PTPRD: variants seen among roughly 807,000 people sequenced by gnomAD.
PTPRD encodes the protein protein tyrosine phosphatase receptor type D.
In PTPRD, 34 loss-of-function variants were observed where a neutral mutation model predicts 214.5. That is an observed-to-expected ratio of 0.16 (90% confidence interval 0.12 to 0.21). The LOEUF (loss-of-function observed/expected upper bound fraction) is 0.21. PTPRD is among the 10% of genes least tolerant of loss of function. PTPRD has a pLI of 1.00. For synonymous variants in PTPRD, 1,128 were observed against 845.7 expected (o/e 1.33, Z -5.79); for missense variants, 2,545 against 2,398.7 (o/e 1.06, Z -1.27).
chr9:8,795,989 C>A (rs1055792491), intron 11 of PTPRD, among the ~76,000 whole-genome samples: 6 of 152,058 alleles, frequency 3.9e-5, no homozygotes, highest in Admixed American at 1.3e-4. Context: ...GATAAGAAAA[C>A]ACTTCTGAAG....
intron 9 of PTPRD, among the ~76,000 whole-genome samples, chr9:9,304,587 T>C (rs1043299778): frequency 1.3e-5 from 2 of 151,936 alleles, no homozygotes; most frequent in Non-Finnish European, 2.9e-5. Context: ...TTTATGATAA[T>C]AAAGTAGCAA....
chr9:8,936,948 A>G lies in PTPRD; in HGVS notation c.-104+81749T>C, dbSNP rs2043400. Among the ~76,000 whole-genome samples the G allele has an allele frequency of 4.7e-3, 719 of 152,300 alleles. 5 individuals carry two copies. The highest frequency in any genetic ancestry group is 0.017 in the African/African-American group (695 of 41,560). On this transcript the variant is annotated intron_variant, in intron 11 of 45. Coordinates refer to ENST00000381196, the MANE Select transcript of PTPRD (RefSeq NM_002839.4). ...CTTACTAATCCATTCTTATCAACTC[A>G]TCTAGTAAGAGGAGCACTTTTTTGG...
chr9:9,885,932 T>C (rs2070725969), intron 5 of PTPRD, among the ~76,000 whole-genome samples: 1 of 151,714 alleles, frequency 6.6e-6, no homozygotes, highest in African/African-American at 2.4e-5. Flanking sequence ...TGAGTGTAGA[T>C]TTTGTCTAAT....
chr9:8,617,524 A>ATTTTATTTCAG (rs2095653846), intron 14 of PTPRD, among the ~76,000 whole-genome samples: 1 of 152,110 alleles, frequency 6.6e-6, no homozygotes, highest in African/African-American at 2.4e-5. Flanking sequence ...AAATTTACTG[A>ATTTTATTTCAG]CATGTATTAT....
intron 7 of PTPRD, among the ~76,000 whole-genome samples, chr9:9,646,126 G>C (rs531073453): frequency 1.3e-5 from 2 of 152,238 alleles, no homozygotes; most frequent in South Asian, 4.1e-4. Flanking sequence ...CAGTCCATTT[G>C]TGATAGTATT....
intron 11 of PTPRD, among the ~76,000 whole-genome samples, chr9:8,805,101 C>T (rs2096649195): frequency 6.6e-6 from 1 of 152,120 alleles, no homozygotes; most frequent in African/African-American, 2.4e-5. Flanking sequence ...GGATCAGAAC[C>T]TATACCTCAC....
intron 5 of PTPRD, among the ~76,000 whole-genome samples, chr9:9,818,915 CAA>C (rs58616042): frequency 0.24 from 21,326 of 88,266 alleles, 1,574 homozygotes; most frequent in East Asian, 0.64. Context: ...GACACTGTCT[CAA>C]AAAAAAAAAA....
At chr9:10,161,991 A>G (rs1264980560) in intron 3 of PTPRD, among the ~76,000 whole-genome samples, 1 of 151,672 alleles carries the variant, frequency 6.6e-6, no homozygotes, top group Non-Finnish European at 1.5e-5. Flanking sequence ...CAAAACTACA[A>G]TGAAATGTTT....
chr9:10,399,148 G>A (rs910878560), intron 2 of PTPRD, among the ~76,000 whole-genome samples: 5 of 151,926 alleles, frequency 3.3e-5, no homozygotes, highest in Admixed American at 1.3e-4. Context: ...ATCACCAAAC[G>A]AAATATACTC....
At chr9:8,961,400 G>A (rs2099158095) in intron 11 of PTPRD, among the ~76,000 whole-genome samples, 1 of 152,048 alleles carries the variant, frequency 6.6e-6, no homozygotes, top group South Asian at 2.1e-4. Context: ...GAACATGTTG[G>A]GAAATGACTG....
intron 8 of PTPRD, among the ~76,000 whole-genome samples, chr9:9,445,605 G>A (rs2090117421): frequency 6.6e-6 from 1 of 152,108 alleles, no homozygotes; most frequent in Admixed American, 6.6e-5. Flanking sequence ...AAGGAGAAGT[G>A]CCAAGCAAAG....
intron 9 of PTPRD, among the ~76,000 whole-genome samples, chr9:9,345,136 T>C (rs1047422175): frequency 2.6e-5 from 4 of 152,168 alleles, no homozygotes; most frequent in African/African-American, 9.7e-5. Context: ...GAAAGTGAGA[T>C]TTTACAAATG....
chr9:8,641,793 T>C (rs150331802), intron 12 of PTPRD, among the ~76,000 whole-genome samples: 2 of 152,316 alleles, frequency 1.3e-5, no homozygotes, highest in Admixed American at 6.5e-5. Flanking sequence ...AGAAGTTAGA[T>C]TGTTTCTTAA....
intron 10 of PTPRD, among the ~76,000 whole-genome samples, chr9:9,169,458 A>C (rs10977545): frequency 0.21 from 32,614 of 152,048 alleles, 3,690 homozygotes; most frequent in Admixed American, 0.29. Context: ...TTCAGTTTGC[A>C]ATGCTAAAGT....
At chr9:9,028,445 T>A (rs564788184) in intron 10 of PTPRD, among the ~76,000 whole-genome samples, 106 of 152,110 alleles carry the variant, frequency 7.0e-4, no homozygotes, top group African/African-American at 2.4e-3. Context: ...CAGGAATGTA[T>A]TACATTTTGG....
At position 10,327,050 on chromosome 9, in the gene PTPRD, T is replaced by C. The variant is rs1043245000; in HGVS notation, c.-545+13913A>G. Among the ~76,000 whole-genome samples, 141 of 151,390 alleles carry C rather than the reference T, an allele frequency of 9.3e-4. 1 individual carries two copies. Among genetic ancestry groups the C allele is most frequent in the African/African-American group, 3.3e-3 (135 of 41,468 alleles). ...TTAATTTGTTTGATAAATTAACTGA[T>C]TCTCTACTAGACAATTAAGAGGCAC... On this transcript the variant is annotated intron_variant, in intron 3 of 45. Coordinates refer to ENST00000381196, the MANE Select transcript of PTPRD (RefSeq NM_002839.4).
At chr9:9,935,561 T>C in intron 5 of PTPRD, among the ~76,000 whole-genome samples, 1 of 151,764 alleles carries the variant, frequency 6.6e-6, no homozygotes, top group Non-Finnish European at 1.5e-5. Flanking sequence ...AAACCAATGC[T>C]CAAGGAAATA....
At chr9:9,365,433 A>G (rs546627011) in intron 9 of PTPRD, among the ~76,000 whole-genome samples, 54 of 151,712 alleles carry the variant, frequency 3.6e-4, no homozygotes, top group Middle Eastern at 3.4e-3. Flanking sequence ...AATTTTTAAC[A>G]GAATATTGAA....
At chr9:10,007,414 A>C (rs998457367) in intron 4 of PTPRD, among the ~76,000 whole-genome samples, 1 of 152,062 alleles carries the variant, frequency 6.6e-6, no homozygotes, top group Non-Finnish European at 1.5e-5. Flanking sequence ...AGGAAGAATA[A>C]ATAATTTTCT....
Sources: allele counts gnomAD v4.1 joint callset (sites outside exome capture counted in the v4.1 genomes callset), GRCh38; gene constraint gnomAD v4.1.1; transcripts MANE v1.5; gene names NCBI Gene and HGNC (gene_info 2026-07-23, HGNC 2026-07-21).